Variants in SLC9A3 observed in about 807,000 individuals in gnomAD.
SLC9A3 encodes solute carrier family 9 member A3.
A neutral mutation model predicts 86.8 loss-of-function variants in SLC9A3; 37 were observed. That is an observed-to-expected ratio of 0.43 (90% CI 0.33 to 0.56). The LOEUF (loss-of-function observed/expected upper bound fraction) is 0.56, where lower values mean the gene tolerates loss of function less well. SLC9A3 is among the 20% of genes least tolerant of loss of function. SLC9A3 has a pLI of 0.06. For synonymous variants in SLC9A3, 581 were observed against 528.3 expected, an observed-to-expected ratio of 1.10 and a Z score of -1.37; for missense variants, 1,011 against 1,171.9, an observed-to-expected ratio of 0.86 and a Z score of 2.00.
intron 5 of SLC9A3, among the ~76,000 whole-genome samples, chr5:484,154 C>T (rs1366027156): frequency 5.3e-5 from 5 of 94,574 alleles, no homozygotes; most frequent in East Asian, 6.8e-4. Context: ...CTCGCCCCGC[C>T]GGACCCAGGA....
chr5:477,768 A>G (rs1738850453), intron 10 of SLC9A3: 1 of 269,456 alleles, frequency 3.7e-6, no homozygotes, highest in South Asian at 5.9e-5. Context: ...GAAAGTGTTG[A>G]TACTGCAGAA....
chr5:500,105 C>G (rs997199723), intron 1 of SLC9A3, among the ~76,000 whole-genome samples: 1 of 152,400 alleles, frequency 6.6e-6, no homozygotes, highest in Non-Finnish European at 1.5e-5. Context: ...CTGCGGCAAC[C>G]CCGGCCCTGT....
Position 492,043 on chromosome 5 carries a change from G to T in SLC9A3, c.240C>A (p.Ser80Arg), listed in dbSNP as rs969509137. 1.5e-5 allele frequency: 23 copies of T among 1,547,754 alleles called. No homozygotes were observed. The Admixed American group carries it at 4.3e-4, about 29-fold the overall frequency. ...TGAGCAGGGCGCTCTCGGGAACCAC[G>T]CTGGTGACCTTGTGGGACAGGTGGA... is the stretch of plus-strand genomic sequence containing the variant. ...IGFHLSHKVT[S>R]VVPESALLIV... Residue 80 changes from serine to arginine, a missense_variant, in exon 2 of 17, where the codon AGC becomes AGA. Ser to Arg is a moderately radical substitution (Grantham distance 110, BLOSUM62 -1). This residue lies in a region of SLC9A3 where 565 missense variants were observed against 790.0 expected (regional missense o/e 0.72). Coordinates refer to ENST00000264938, the MANE Select transcript of SLC9A3 (RefSeq NM_004174.4).
rs982875433 is a variant in SLC9A3 at position 472,779 on chromosome 5, G to A, written c.*600C>T. The A allele has an allele frequency of 3.4e-6, 2 of 584,162 alleles. No homozygotes were observed. Among genetic ancestry groups the A allele is most frequent in the Admixed American group, 2.2e-5 (1 of 45,918 alleles). 36.2% of individuals were successfully genotyped at this position (584,162 alleles called of 1,614,324 possible). A position where few individuals can be genotyped will look rare whatever the true frequency, so the allele number is the denominator to read the frequency against. The stretch of plus-strand genomic sequence containing the variant: ...CGCTGCAGGTCGGGCCCTGAGTCCT[G>A]GCGCTCGGGAGGTCCCTGAGTCGGT... On this transcript the variant is annotated 3_prime_UTR_variant, in exon 17 of 17. Transcript: ENST00000264938.
intron 4 of SLC9A3, 125 bp from the exon 5 acceptor site, chr5:484,822 GA>G (rs1739389951): frequency 3.3e-6 from 3 of 897,846 alleles, no homozygotes; most frequent in Non-Finnish European, 5.1e-6. Context: ...CACTCTCTTG[GA>G]GATCGGGCCT....
In SLC9A3 at chr5:473,243, G is replaced by T; in HGVS notation, c.*136C>A. On this transcript the variant is annotated 3_prime_UTR_variant, in exon 17 of 17. Transcript: ENST00000264938. Reference sequence around the variant, plus strand: ...CGGAGTTCTGCGCAGGCGCTGGCGTGGGCGAGGCGGGGCTCGGGGCTCGCG... The same window carrying T: ...CGGAGTTCTGCGCAGGCGCTGGCGTTGGCGAGGCGGGGCTCGGGGCTCGCG... The T allele has an allele frequency of 2.0e-6, 2 of 976,282 alleles. No homozygotes were observed. The highest frequency in any genetic ancestry group is 2.6e-6 in the Non-Finnish European group (2 of 757,098). The allele number at this position is 976,282 out of a possible 1,614,324, so 60.5% of individuals were successfully genotyped here.
In SLC9A3 at chr5:471,589, A is replaced by C. The variant is rs1738360783; in HGVS notation, c.*1790T>G. The C allele has an allele frequency of 2.8e-6, 1 of 358,500 alleles. No individual in the cohort carries two copies. Among genetic ancestry groups the C allele is most frequent in the Admixed American group, 3.7e-5 (1 of 27,072 alleles). The allele number at this position is 358,500 out of a possible 1,614,324, so 22.2% of individuals were successfully genotyped here. ...AGGACGGTGGCTGCAGCAGGGAACC[A>C]GGGCTGGCCTTGGATCTGTCCAGTA... On this transcript the variant is annotated 3_prime_UTR_variant, in exon 17 of 17. Transcript: ENST00000264938.
At position 482,725 on chromosome 5, in the gene SLC9A3, C is replaced by T. The variant is rs1325975525; in HGVS notation, c.1179G>A (p.Leu393=). Residue 393 remains leucine, a synonymous_variant, in exon 7 of 17, where the codon CTG becomes CTA. Transcript: ENST00000264938. ...AIGVVLQTWL[L]NRYRMVQLEP... is the part of the protein sequence containing the mutation. ...CCAGCTGCACCATGCGGTAGCGGTTCAGAAGCCAGGTCTGCAGGACCACAC... is the reference window on the plus strand; with the variant it reads ...CCAGCTGCACCATGCGGTAGCGGTTTAGAAGCCAGGTCTGCAGGACCACAC... 3 of 1,609,078 alleles carry T rather than the reference C, an allele frequency of 1.9e-6. No homozygotes were observed. The highest frequency in any genetic ancestry group is 8.5e-7 in the Non-Finnish European group (1 of 1,178,450).
At chr5:504,123 A>G (rs1254605048) in intron 1 of SLC9A3, among the ~76,000 whole-genome samples, 1 of 145,386 alleles carries the variant, frequency 6.9e-6, no homozygotes, top group African/African-American at 2.8e-5. Flanking sequence ...ACAACTAAAC[A>G]AGGGAAGGGA....
chr5:507,199 G>T (rs113339815), intron 1 of SLC9A3, among the ~76,000 whole-genome samples: 1 of 9,242 alleles, frequency 1.1e-4, no homozygotes, highest in African/African-American at 4.3e-4. Flanking sequence ...GACGGAGTCT[G>T]GCTCTGTTGC....
intron 3 of SLC9A3, among the ~76,000 whole-genome samples, chr5:487,903 G>A (rs1326688440): frequency 1.3e-5 from 2 of 152,130 alleles, no homozygotes; most frequent in African/African-American, 4.8e-5. Flanking sequence ...GCTGACCTCA[G>A]GTGATCCACC....
chr5:476,500 G>A (rs370282440), intron 12 of SLC9A3, 43 bp downstream of exon 12: 2 of 1,604,542 alleles, frequency 1.2e-6, no homozygotes, highest in African/African-American at 1.3e-5. Flanking sequence ...CCGCCCCACG[G>A]GGTCCCTGCG....
intron 1 of SLC9A3, among the ~76,000 whole-genome samples, chr5:517,538 C>G (rs1419698662): frequency 1.3e-5 from 2 of 151,418 alleles, no homozygotes; most frequent in East Asian, 3.9e-4. Flanking sequence ...ATCCATCAAT[C>G]CACTCATCCA....
chr5:519,427 C>A (rs1317153402), intron 1 of SLC9A3, among the ~76,000 whole-genome samples: 3 of 152,196 alleles, frequency 2.0e-5, no homozygotes, highest in Non-Finnish European at 4.4e-5. Context: ...AGAGCACATG[C>A]AATAAAACCA....
intron 9 of SLC9A3, 33 bp from the exon 10 acceptor site, chr5:479,998 G>T (rs750763652): frequency 6.2e-6 from 10 of 1,601,678 alleles, no homozygotes; most frequent in Non-Finnish European, 6.8e-6. Context: ...TGAGCCTCAG[G>T]TGACAGGCGC....
chr5:489,425 G>C (rs1739622959), intron 2 of SLC9A3, among the ~76,000 whole-genome samples: 1 of 152,192 alleles, frequency 6.6e-6, no homozygotes, highest in African/African-American at 2.4e-5. Flanking sequence ...GGCTGAGGAG[G>C]GGTTTGTCCC....
At chr5:505,575 T>G (rs1364287562) in intron 1 of SLC9A3, among the ~76,000 whole-genome samples, 1 of 2,788 alleles carries the variant, frequency 3.6e-4, no homozygotes, top group Non-Finnish European at 6.0e-4. Context: ...GAGGTGAGAG[T>G]GACTGTGGGG....
Position 471,901 on chromosome 5 carries a change from G to T in SLC9A3, c.*1478C>A. 2.2e-6 allele frequency: 1 copy of T among 456,652 alleles called. No individual in the cohort carries two copies. The highest frequency in any genetic ancestry group is 4.4e-6 in the Non-Finnish European group (1 of 226,960). The allele number at this position is 456,652 out of a possible 1,614,324, so 28.3% of individuals were successfully genotyped here. A position where few individuals can be genotyped will look rare whatever the true frequency, so the allele number is the denominator to read the frequency against. ...CAGGGACTCAATGGGGACTCAATGT[G>T]CAATATTCAGTCAACATAAAACTCT... On this transcript the variant is annotated 3_prime_UTR_variant, in exon 17 of 17. Coordinates refer to ENST00000264938, the MANE Select transcript of SLC9A3 (RefSeq NM_004174.4).
Position 524,110 on chromosome 5 carries a change from A to G in SLC9A3, c.211+2T>C. 2 of 1,500,330 alleles carry G rather than the reference A, an allele frequency of 1.3e-6. No individual in the cohort carries two copies. Among genetic ancestry groups the G allele is most frequent in the Non-Finnish European group, 1.8e-6 (2 of 1,122,078 alleles). 92.9% of individuals were successfully genotyped at this position (1,500,330 alleles called of 1,614,324 possible). ...AGATCCGGAGACCCCGGGGCCACTT[A>G]CCGATCTTGGCCAAGCTGGCCACGA... On this transcript the variant is annotated splice_donor_variant, in intron 1 of 16. Coordinates refer to ENST00000264938, the MANE Select transcript of SLC9A3 (RefSeq NM_004174.4). LOFTEE classifies it high-confidence loss of function.
Sources: gnomAD v4.1 joint callset for allele counts (sites outside exome capture counted in the v4.1 genomes callset) on GRCh38, gnomAD v4.1.1 for gene constraint, gnomAD v4.1.1 regional missense constraint, MANE v1.5 for transcripts, NCBI Gene and HGNC (gene_info 2026-07-23, HGNC 2026-07-21) for gene names.